The following TNFRSF1A variants were observed in gnomAD, a reference collection of about 807,000 sequenced individuals.
TNFRSF1A encodes the protein tumor necrosis factor receptor superfamily member 1A.
TNFRSF1A carries 9 observed loss-of-function variants against 41.6 expected under a neutral mutation model. That is an observed-to-expected ratio of 0.22 (90% CI 0.13 to 0.38). The LOEUF (loss-of-function observed/expected upper bound fraction) is 0.38. TNFRSF1A is among the 10% of genes least tolerant of loss of function. TNFRSF1A has a pLI of 1.00. For synonymous variants in TNFRSF1A, 254 were observed against 248.6 expected (o/e 1.02, Z -0.21); for missense variants, 463 against 591.5 (o/e 0.78, Z 2.25).
rs1205779628 is a variant in TNFRSF1A, at chr12:6,341,192, AT to A, written c.39+583del. On this transcript the variant is annotated intron_variant, in intron 1 of 9. Transcript: ENST00000162749. This position sits in a 1 kb window ranked among gnomAD's most constrained non-coding sequence, Gnocchi z 4.6. ...CCTGCCCCATCCAGTGTCCCAGCCC[AT>A]TCTCAAATACCTCCCACCATGAGCA... Among the ~76,000 whole-genome samples, 1 of 152,018 alleles carries A rather than the reference AT, an allele frequency of 6.6e-6. No homozygotes were observed. The highest frequency in any genetic ancestry group is 1.5e-5 in the Non-Finnish European group (1 of 67,970).
rs540130527 is a variant in TNFRSF1A, at chr12:6,330,438, C to A, written c.740-143G>T. 6.8e-6 allele frequency: 7 copies of A among 1,027,684 alleles called. No homozygotes were observed. In the East Asian group the frequency reaches 1.7e-4, roughly 25 times the overall value. The allele number at this position is 1,027,684 out of a possible 1,614,324, so 63.7% of individuals were successfully genotyped here. The stretch of plus-strand genomic sequence containing the variant: ...GGACGAGAGAGCTACTGATGCAGCT[C>A]GACATCTCCCCAGCCATCCAGGGCC... On this transcript the variant is annotated intron_variant, in intron 7 of 9. Coordinates refer to ENST00000162749, the MANE Select transcript of TNFRSF1A (RefSeq NM_001065.4).
rs1028276892 is a variant in TNFRSF1A at position 6,334,973 on chromosome 12, G to A, written c.40-729C>T. On this transcript the variant is annotated intron_variant, in intron 1 of 9. Coordinates refer to ENST00000162749, the MANE Select transcript of TNFRSF1A (RefSeq NM_001065.4). The surrounding 1 kb of genome is among the most constrained non-coding windows in gnomAD (Gnocchi z 5.1). ...TCTCCATCTGGGTGCTGGGTTCACCGTGTGATCGCTTTGCGAACATTCACA... is the reference window on the plus strand; with the variant it reads ...TCTCCATCTGGGTGCTGGGTTCACCATGTGATCGCTTTGCGAACATTCACA... 5.3e-5 allele frequency among the ~76,000 whole-genome samples: 8 copies of A among 152,214 alleles called. No individual in the cohort carries two copies. Among genetic ancestry groups the A allele is most frequent in the African/African-American group, 1.9e-4 (8 of 41,452 alleles).
At position 6,341,988 on chromosome 12, in the gene TNFRSF1A, C is replaced by T; in HGVS notation, c.-174G>A. ...ACGGCCTGGTCCCAGTGATCTTGAA[C>T]CCCAAAGGCCAGAACTGGAGCCTCA... On this transcript the variant is annotated 5_prime_UTR_variant, in exon 1 of 10. Transcript: ENST00000162749. This position sits in a 1 kb window ranked among gnomAD's most constrained non-coding sequence, Gnocchi z 4.6. The T allele has an allele frequency of 1.4e-6, 1 of 698,512 alleles. No homozygotes were observed. The highest frequency in any genetic ancestry group is 1.5e-5 in the South Asian group (1 of 66,066). The allele number at this position is 698,512 out of a possible 1,614,324, so 43.3% of individuals were successfully genotyped here. A position where few individuals can be genotyped will look rare whatever the true frequency, so the allele number is the denominator to read the frequency against.
chr12:6,333,759 G>T lies in TNFRSF1A; in HGVS notation c.300C>A (p.Leu100=). ...TASENHLRHC[L]SCSKCRKEMG... is the part of the protein sequence containing the mutation. The stretch of plus-strand genomic sequence containing the variant: ...CACCCTTTCGGCATTTGGAGCAGCT[G>T]AGGCAGTGTCTGAGGTGGTTTTCTG... Residue 100 remains leucine, a synonymous_variant, in exon 3 of 10, where the codon CTC becomes CTA. Transcript: ENST00000162749. This position sits in a 1 kb window ranked among gnomAD's most constrained non-coding sequence, Gnocchi z 6.3. 6.4e-7 allele frequency: 1 copy of T among 1,573,626 alleles called. No individual in the cohort carries two copies. The highest frequency in any genetic ancestry group is 8.6e-7 in the Non-Finnish European group (1 of 1,158,252).
rs1044921187 is a variant in TNFRSF1A at position 6,341,144 on chromosome 12, G to A, written c.39+632C>T. ...GAGGCCGGGGCTTGGCCAGGGCACT[G>A]GGGACACTGTCCACTGGGTTGCCCT... On this transcript the variant is annotated intron_variant, in intron 1 of 9. Coordinates refer to ENST00000162749, the MANE Select transcript of TNFRSF1A (RefSeq NM_001065.4). The surrounding 1 kb of genome is among the most constrained non-coding windows in gnomAD (Gnocchi z 4.6). Among the ~76,000 whole-genome samples, 1 of 152,016 alleles carries A rather than the reference G, an allele frequency of 6.6e-6. No individual in the cohort carries two copies. Among genetic ancestry groups the A allele is most frequent in the Admixed American group, 6.6e-5 (1 of 15,266 alleles).
chr12:6,334,059 T>C lies in TNFRSF1A; in HGVS notation c.193+32A>G, dbSNP rs755908327. The stretch of plus-strand genomic sequence containing the variant: ...AGAGAAAGAAGCAGCACCCCAGACC[T>C]GAGGGCATTCACCGTTTCCACTTGC... On this transcript the variant is annotated intron_variant, in intron 2 of 9. Coordinates refer to ENST00000162749, the MANE Select transcript of TNFRSF1A (RefSeq NM_001065.4). The surrounding 1 kb of genome is among the most constrained non-coding windows in gnomAD (Gnocchi z 5.1). The C allele has an allele frequency of 1.9e-6, 3 of 1,613,968 alleles. No homozygotes were observed. In the African/African-American group the frequency reaches 4.0e-5, roughly 22 times the overall value.
intron 1 of TNFRSF1A, among the ~76,000 whole-genome samples, chr12:6,340,699 T>C (rs563288411): frequency 6.6e-6 from 1 of 151,644 alleles, no homozygotes; most frequent in Non-Finnish European, 1.5e-5. Context: ...AAGAAAGGAA[T>C]GGTAGGAGAG....
intron 1 of TNFRSF1A, among the ~76,000 whole-genome samples, chr12:6,338,600 AACAGGGTCTCACTCTGTC>A (rs1437791073): frequency 6.0e-5 from 9 of 149,582 alleles, no homozygotes; most frequent in African/African-American, 2.2e-4. Flanking sequence ...TTTTTTTTGA[AACAGGGTCTCACTCTGTC>A]ACCCAGGGTG....
At position 6,334,997 on chromosome 12, in the gene TNFRSF1A, C is replaced by T. The variant is rs952486173; in HGVS notation, c.40-753G>A. On this transcript the variant is annotated intron_variant, in intron 1 of 9. Coordinates refer to ENST00000162749, the MANE Select transcript of TNFRSF1A (RefSeq NM_001065.4). The surrounding 1 kb of genome is among the most constrained non-coding windows in gnomAD (Gnocchi z 5.1). ...CGTGTGATCGCTTTGCGAACATTCA[C>T]AGAGGTAAACAATGAGGATCTATGC... Among the ~76,000 whole-genome samples the T allele has an allele frequency of 6.6e-6, 1 of 152,190 alleles. No individual in the cohort carries two copies. The highest frequency in any genetic ancestry group is 1.5e-5 in the Non-Finnish European group (1 of 68,032).
intron 5 of TNFRSF1A, chr12:6,331,206 T>A: frequency 4.1e-6 from 2 of 492,102 alleles, no homozygotes; most frequent in Non-Finnish European, 7.4e-6. Context: ...GCAGTGTGAA[T>A]CTAGGCAAGC....
intron 5 of TNFRSF1A, chr12:6,331,998 G>GT: frequency 2.1e-5 from 2 of 96,224 alleles, no homozygotes; most frequent in African/African-American, 1.4e-4. Context: ...AGGACTCTGT[G>GT]TCAAAAAAAA....
rs1204111421 is a variant in TNFRSF1A at position 6,333,297 on chromosome 12, G to A, written c.472+70C>T. 2.5e-6 allele frequency: 4 copies of A among 1,580,532 alleles called. No homozygotes were observed. The highest frequency in any genetic ancestry group is 2.3e-5 in the South Asian group (2 of 88,458). On this transcript the variant is annotated intron_variant, in intron 4 of 9. Coordinates refer to ENST00000162749, the MANE Select transcript of TNFRSF1A (RefSeq NM_001065.4). This position sits in a 1 kb window ranked among gnomAD's most constrained non-coding sequence, Gnocchi z 6.3. ...TACAGGAGGGGGAAGGAAAGGAAGT[G>A]CCACCGCATGGGGAAGGGGCCAACC...
chr12:6,339,839 T>TCACACA lies in TNFRSF1A; in HGVS notation c.39+1936_39+1937insTGTGTG, dbSNP rs1312763687. ...ACTTCTCTCTCTCTCTCTCTCTCTC[T>TCACACA]CTCACACACACACACACACACACAC... is the stretch of plus-strand genomic sequence containing the variant. On this transcript the variant is annotated intron_variant, in intron 1 of 9. Transcript: ENST00000162749. 1.7e-4 allele frequency among the ~76,000 whole-genome samples: 21 copies of TCACACA among 120,886 alleles called. 1 individual carries two copies. Among genetic ancestry groups the TCACACA allele is most frequent in the South Asian group, 7.5e-4 (3 of 4,004 alleles). 79.3% of individuals were successfully genotyped at this position (120,886 alleles called of 152,430 possible). A position where few individuals can be genotyped will look rare whatever the true frequency, so the allele number is the denominator to read the frequency against.
At position 6,330,282 on chromosome 12, in the gene TNFRSF1A, C is replaced by T. The variant is rs201358363; in HGVS notation, c.753G>A (p.Ser251=). 5.2e-5 allele frequency: 84 copies of T among 1,613,816 alleles called. No homozygotes were observed. The highest frequency in any genetic ancestry group is 4.0e-4 in the South Asian group (36 of 91,080). ...SKLYSIVCGK[S]TPEKEGELEG... The stretch of plus-strand genomic sequence containing the variant: ...TTCATCTCACCTCTTTTTCAGGTGT[C>T]GATTTCCCACAAACTGAGGAAAAAG... The change falls in exon 8 of 10, where the codon TCG becomes TCA. Residue 251 remains serine (S), a synonymous_variant. Coordinates refer to ENST00000162749, the MANE Select transcript of TNFRSF1A (RefSeq NM_001065.4).
In TNFRSF1A at chr12:6,329,759, AGCC is replaced by A. The variant is rs1455123790; in HGVS notation, c.1057+16_1057+18del. The A allele has an allele frequency of 6.3e-6, 10 of 1,591,706 alleles. No homozygotes were observed. Among genetic ancestry groups the A allele is most frequent in the Non-Finnish European group, 8.6e-6 (10 of 1,169,476 alleles). On this transcript the variant is annotated intron_variant, in intron 9 of 9. Coordinates refer to ENST00000162749, the MANE Select transcript of TNFRSF1A (RefSeq NM_001065.4). ...GCCCTCCCCCAGCCTCCTCGTCTCC[AGCC>A]GCGGGAGAAACTCACTGTCTAGGCT...
Position 6,329,325 on chromosome 12 carries a change from C to A in TNFRSF1A, c.1355G>T (p.Ser452Ile). The A allele has an allele frequency of 6.8e-7, 1 of 1,474,808 alleles. No homozygotes were observed. Among genetic ancestry groups the A allele is most frequent in the Non-Finnish European group, 8.9e-7 (1 of 1,122,490 alleles). 91.4% of individuals were successfully genotyped at this position (1,474,808 alleles called of 1,614,324 possible). A position where few individuals can be genotyped will look rare whatever the true frequency, so the allele number is the denominator to read the frequency against. The part of the protein sequence containing the change: ...CGPAALPPAP[S>I]LLR ...AGGGGCGCAGCCTCATCTGAGAAGA[C>A]TGGGCGCGGGCGGGAGGGCGGCGGG... The change falls in exon 10 of 10, where the codon AGT becomes ATT. Residue 452 changes from serine (S) to isoleucine (I), a missense_variant. Physicochemically the swap from Ser to Ile is moderately radical, Grantham distance 142. Coordinates refer to ENST00000162749, the MANE Select transcript of TNFRSF1A (RefSeq NM_001065.4).
chr12:6,339,386 G>A (rs1395673827), intron 1 of TNFRSF1A, among the ~76,000 whole-genome samples: 1 of 152,226 alleles, frequency 6.6e-6, no homozygotes, highest in Non-Finnish European at 1.5e-5. Context: ...TCCCGTATGG[G>A]TGCTAGGGAT....
chr12:6,329,873 G>A lies in TNFRSF1A; in HGVS notation c.962C>T (p.Ala321Val), dbSNP rs1220563953. The A allele has an allele frequency of 6.3e-7, 1 of 1,593,504 alleles. No individual in the cohort carries two copies. Among genetic ancestry groups the A allele is most frequent in the Non-Finnish European group, 8.5e-7 (1 of 1,169,800 alleles). Residue 321 changes from alanine (A) to valine (V), a missense_variant, in exon 9 of 10, where the codon GCT becomes GTT. Coordinates refer to ENST00000162749, the MANE Select transcript of TNFRSF1A (RefSeq NM_001065.4). ...RREVAPPYQG[A>V]DPILATALAS... is the part of the protein sequence containing the mutation. The stretch of plus-strand genomic sequence containing the variant: ...GAGGGCTGTCGCAAGGATGGGGTCA[G>A]CCCCCTGATAGGGTGGTGCCACCTC...
Position 6,333,191 on chromosome 12 carries a change from C to T in TNFRSF1A, c.473-44G>A. ...CACAGCTAAAGGAGAAGCGCCTGCA[C>T]CCCCACCCCACAGGACAGAGGAAGT... On this transcript the variant is annotated intron_variant, in intron 4 of 9. Transcript: ENST00000162749. This position sits in a 1 kb window ranked among gnomAD's most constrained non-coding sequence, Gnocchi z 6.3. 6.3e-7 allele frequency: 1 copy of T among 1,597,180 alleles called. No homozygotes were observed. Among genetic ancestry groups the T allele is most frequent in the South Asian group, 1.1e-5 (1 of 90,328 alleles).
Sources: gnomAD v4.1 joint callset for allele counts (sites outside exome capture counted in the v4.1 genomes callset) on GRCh38, gnomAD v4.1.1 for gene constraint, Gnocchi (gnomAD v3.1) non-coding constraint, MANE v1.5 for transcripts, NCBI Gene and HGNC (gene_info 2026-07-23, HGNC 2026-07-21) for gene names.